The following PGLS variants were observed in gnomAD, a reference collection of about 807,000 sequenced individuals.
PGLS encodes the protein 6-phosphogluconolactonase, also known as epididymis secretory protein Li 304.
In PGLS, 21 loss-of-function variants were observed where a neutral mutation model predicts 23.2. The ratio of observed to expected loss-of-function variants is 0.91; its 90% CI spans 0.64 to 1.31. The LOEUF is 1.31. Ranked by LOEUF, PGLS falls within the 50% of genes most tolerant of loss-of-function variation. PGLS has a pLI of 0.00. For synonymous variants in PGLS, 179 were observed against 165.4 expected (o/e 1.08, Z -0.63); for missense variants, 410 against 354.0 (o/e 1.16, Z -1.27).
intron 4 of PGLS, among the ~76,000 whole-genome samples, chr19:17,519,562 G>A (rs1210790652): frequency 6.6e-6 from 1 of 151,750 alleles, no homozygotes; most frequent in Non-Finnish European, 1.5e-5. Context: ...ACCACGCCCA[G>A]CTAATTTTTG....
chr19:17,512,125 T>G (rs1378318327), intron 1 of PGLS, 165 bp downstream of exon 1: 4 of 718,320 alleles, frequency 5.6e-6, no homozygotes, highest in Non-Finnish European at 8.5e-6. Flanking sequence ...CCGTGCCCAC[T>G]GCCTGCACCT....
intron 2 of PGLS, chr19:17,516,636 G>C (rs1475576947): frequency 5.9e-6 from 3 of 510,988 alleles, no homozygotes; most frequent in East Asian, 1.5e-4. Context: ...CCAGGCTGGA[G>C]TGCAGTGGCG....
In PGLS at chr19:17,512,141, AC is replaced by A. The variant is rs1364324630; in HGVS notation, c.288+182del. 10 of 660,538 alleles carry A rather than the reference AC, an allele frequency of 1.5e-5. No individual in the cohort carries two copies. In the Admixed American group the frequency reaches 3.9e-4, roughly 25 times the overall value. 40.9% of individuals were successfully genotyped at this position (660,538 alleles called of 1,614,324 possible). A position where few individuals can be genotyped will look rare whatever the true frequency, so the allele number is the denominator to read the frequency against. Reference sequence around the variant, plus strand: ...CGTGCCCACTGCCTGCACCTCGGCTACGTGGGTCGCTGGGGGTCATGCCAAG... The same window carrying A: ...CGTGCCCACTGCCTGCACCTCGGCTAGTGGGTCGCTGGGGGTCATGCCAAG... On this transcript the variant is annotated intron_variant, in intron 1 of 4. Coordinates refer to ENST00000252603, the MANE Select transcript of PGLS (RefSeq NM_012088.3).
chr19:17,520,981 C>T lies in PGLS; in HGVS notation c.677C>T (p.Ala226Val). ...LEDQEENPLP[A>V]ALVQPHTGKL... The stretch of plus-strand genomic sequence containing the variant: ...GACCAGGAGGAAAACCCGCTGCCCG[C>T]CGCCCTGGTCCAGCCCCACACCGGG... The change falls in exon 5 of 5, where the codon GCC (alanine) becomes GTC (valine). Residue 226 changes from alanine (A) to valine (V), a missense_variant. Ala to Val is a moderately conservative substitution (Grantham distance 64). Coordinates refer to ENST00000252603, the MANE Select transcript of PGLS (RefSeq NM_012088.3). 8 of 1,598,318 alleles carry T rather than the reference C, an allele frequency of 5.0e-6. No individual in the cohort carries two copies. Among genetic ancestry groups the T allele is most frequent in the Non-Finnish European group, 6.8e-6 (8 of 1,171,798 alleles).
chr19:17,521,198 G>A lies in PGLS; in HGVS notation c.*117G>A. ...AAGCCACGTCGTGCTGCTGCTGGAAGCCAACAGCCTCCGGCCAGCAGCCCT... is the reference window on the plus strand; with the variant it reads ...AAGCCACGTCGTGCTGCTGCTGGAAACCAACAGCCTCCGGCCAGCAGCCCT... On this transcript the variant is annotated 3_prime_UTR_variant, in exon 5 of 5. Coordinates refer to ENST00000252603, the MANE Select transcript of PGLS (RefSeq NM_012088.3). 2 of 1,089,854 alleles carry A rather than the reference G, an allele frequency of 1.8e-6. No individual in the cohort carries two copies. The highest frequency in any genetic ancestry group is 2.6e-6 in the Non-Finnish European group (2 of 781,112). 67.5% of individuals were successfully genotyped at this position (1,089,854 alleles called of 1,614,324 possible).
intron 2 of PGLS, 40 bp from the exon 3 acceptor site, chr19:17,517,248 C>A: frequency 7.6e-7 from 1 of 1,313,150 alleles, no homozygotes; most frequent in South Asian, 1.2e-5. Flanking sequence ...CTGCCCCTGC[C>A]ACCTACAACC....
At chr19:17,514,592 A>G (rs538331377) in intron 1 of PGLS, among the ~76,000 whole-genome samples, 1 of 151,684 alleles carries the variant, frequency 6.6e-6, no homozygotes, top group South Asian at 2.1e-4. Flanking sequence ...CCCGGGCTCT[A>G]TCAATCCCCC....
intron 3 of PGLS, among the ~76,000 whole-genome samples, 160 bp from the exon 4 acceptor site, chr19:17,517,550 T>G (rs2091162325): frequency 6.6e-6 from 1 of 152,180 alleles, no homozygotes; most frequent in Non-Finnish European, 1.5e-5. Context: ...CTTTCAGGTC[T>G]CAGTTGAGCC....
chr19:17,521,095 C>A lies in PGLS; in HGVS notation c.*14C>A. 6.3e-7 allele frequency: 1 copy of A among 1,584,280 alleles called. No individual in the cohort carries two copies. The highest frequency in any genetic ancestry group is 8.6e-7 in the Non-Finnish European group (1 of 1,163,782). ...TCCACTTTGTAGCTGGCCAGAGGGA[C>A]GCCGCAGCTGGGACCAGGCACGCGG... On this transcript the variant is annotated 3_prime_UTR_variant, in exon 5 of 5. Coordinates refer to ENST00000252603, the MANE Select transcript of PGLS (RefSeq NM_012088.3).
chr19:17,516,111 C>A, intron 1 of PGLS, 62 bp from the exon 2 acceptor site: 1 of 1,267,692 alleles, frequency 7.9e-7, no homozygotes, highest in Non-Finnish European at 1.1e-6. Flanking sequence ...CTGTCATAAA[C>A]TCCCTGGAGG....
chr19:17,516,027 G>A (rs1032522918), intron 1 of PGLS, 146 bp from the exon 2 acceptor site: 6 of 613,282 alleles, frequency 9.8e-6, no homozygotes, highest in South Asian at 1.8e-5. Flanking sequence ...CTCACCAACC[G>A]AAGGACCTTG....
chr19:17,521,217 C>A lies in PGLS; in HGVS notation c.*136C>A. The A allele has an allele frequency of 1.2e-6, 1 of 865,256 alleles. No individual in the cohort carries two copies. The highest frequency in any genetic ancestry group is 1.7e-6 in the Non-Finnish European group (1 of 578,770). The allele number at this position is 865,256 out of a possible 1,614,324, so 53.6% of individuals were successfully genotyped here. ...CTGGAAGCCAACAGCCTCCGGCCAG[C>A]AGCCCTACCCGGGGCTCAACACACA... On this transcript the variant is annotated 3_prime_UTR_variant, in exon 5 of 5. Coordinates refer to ENST00000252603, the MANE Select transcript of PGLS (RefSeq NM_012088.3).
chr19:17,515,332 C>T (rs1282918643), intron 1 of PGLS, among the ~76,000 whole-genome samples: 1 of 152,202 alleles, frequency 6.6e-6, no homozygotes, highest in Non-Finnish European at 1.5e-5. Context: ...AGCATTGCCT[C>T]AGCTCACTGA....
chr19:17,514,501 T>C (rs1337716053), intron 1 of PGLS, among the ~76,000 whole-genome samples: 1 of 151,984 alleles, frequency 6.6e-6, no homozygotes, highest in African/African-American at 2.4e-5. Context: ...TCCTTTTCTT[T>C]CTTTTTTTGA....
chr19:17,512,071 C>T (rs2075510585), intron 1 of PGLS, 111 bp downstream of exon 1: 2 of 1,172,426 alleles, frequency 1.7e-6, no homozygotes, highest in East Asian at 3.0e-5. Context: ...CGCCCACTGT[C>T]TGCACCTCGG....
intron 4 of PGLS, 60 bp from the exon 5 acceptor site, chr19:17,520,884 G>C: frequency 6.8e-7 from 1 of 1,476,644 alleles, no homozygotes; most frequent in Middle Eastern, 1.8e-4. Context: ...AGCCAGGAGA[G>C]TGCCGAGGGG....
chr19:17,511,696 C>T lies in PGLS; in HGVS notation c.24C>T (p.Leu8=), dbSNP rs986632211. MAAPAPG[L]ISVFSSSQEL... ...CCATGGCCGCGCCGGCCCCGGGCCT[C>T]ATCTCGGTGTTCTCGAGTTCCCAGG... Residue 8 remains leucine, a synonymous_variant, in exon 1 of 5, where the codon CTC becomes CTT. Coordinates refer to ENST00000252603, the MANE Select transcript of PGLS (RefSeq NM_012088.3). 1.3e-6 allele frequency: 2 copies of T among 1,507,936 alleles called. No homozygotes were observed. The highest frequency in any genetic ancestry group is 1.5e-5 in the African/African-American group (1 of 68,654). 93.4% of individuals were successfully genotyped at this position (1,507,936 alleles called of 1,614,324 possible). A position where few individuals can be genotyped will look rare whatever the true frequency, so the allele number is the denominator to read the frequency against.
At chr19:17,513,639 C>T (rs536329935) in intron 1 of PGLS, among the ~76,000 whole-genome samples, 1 of 151,896 alleles carries the variant, frequency 6.6e-6, no homozygotes, top group East Asian at 1.9e-4. Context: ...GCCAACATGG[C>T]AAGACCCCAT....
intron 1 of PGLS, among the ~76,000 whole-genome samples, chr19:17,515,008 C>T (rs550126149): frequency 1.3e-5 from 2 of 152,260 alleles, no homozygotes; most frequent in Non-Finnish European, 2.9e-5. Flanking sequence ...AGGCTGGTCT[C>T]AAACTCCTGG....
Sources: gnomAD v4.1 joint callset for allele counts (sites outside exome capture counted in the v4.1 genomes callset) on GRCh38, gnomAD v4.1.1 for gene constraint, MANE v1.5 for transcripts, NCBI Gene and HGNC (gene_info 2026-07-23, HGNC 2026-07-21) for gene names.